HELZ: variants seen among roughly 807,000 people sequenced by gnomAD.
The protein encoded by HELZ is ATP-dependent RNA helicase with zinc finger domain.
A neutral mutation model predicts 218.2 loss-of-function variants in HELZ; 23 were observed. The ratio of observed to expected loss-of-function variants is 0.11; its 90% CI spans 0.08 to 0.15. HELZ has a LOEUF of 0.15. Ranked by LOEUF, HELZ falls within the 10% of genes least tolerant of loss-of-function variation. HELZ has a pLI of 1.00. For synonymous variants in HELZ, 814 were observed against 829.4 expected (o/e 0.98, Z 0.32); for missense variants, 1,813 against 2,353.7 (o/e 0.77, Z 4.75).
chr17:67,189,078 C>T (rs1475549289), intron 11 of HELZ, among the ~76,000 whole-genome samples: 1 of 152,208 alleles, frequency 6.6e-6, no homozygotes, highest in Non-Finnish European at 1.5e-5. Context: ...AACTTTTCCA[C>T]TGAGCATACT....
At chr17:67,174,977 G>A (rs1598371124) in intron 13 of HELZ, among the ~76,000 whole-genome samples, 1 of 152,188 alleles carries the variant, frequency 6.6e-6, no homozygotes, top group South Asian at 2.1e-4. Flanking sequence ...GTCAATACAT[G>A]TCCAAGTCAT....
In HELZ at chr17:67,178,733, G is replaced by A. The variant is rs774192351; in HGVS notation, c.1356C>T (p.Thr452=). Residue 452 remains threonine (T), a synonymous_variant, in exon 13 of 33, where the codon ACC becomes ACT. Transcript: ENST00000358691. Reference sequence around the variant, plus strand: ...GTAACCGTGACTGATAGTTGCTCTTGGTCAATGATTTGTCTAAAACGGACT... The same window carrying A: ...GTAACCGTGACTGATAGTTGCTCTTAGTCAATGATTTGTCTAAAACGGACT... The part of the protein sequence containing the change: ...FTQSVLDKSL[T]KSNYQSRLHD... 5.0e-6 allele frequency: 8 copies of A among 1,613,526 alleles called. No homozygotes were observed. In the South Asian group the frequency reaches 6.6e-5, roughly 13 times the overall value.
intron 24 of HELZ, among the ~76,000 whole-genome samples, chr17:67,125,989 GAC>G (rs372109884): frequency 1.8e-4 from 27 of 152,280 alleles, no homozygotes; most frequent in African/African-American, 6.5e-4. Context: ...ATTCCCAGCT[GAC>G]AGTCACCAAG....
rs537741896 is a variant in HELZ at position 67,176,862 on chromosome 17, T to A, written c.1430+1797A>T. ...GTCTCAAAATAGTAATAATTTTTTT[T>A]AAAAAGATCACACCAACTTAGTTTG... On this transcript the variant is annotated intron_variant, in intron 13 of 32. Transcript: ENST00000358691. Among the ~76,000 whole-genome samples, 26 of 152,218 alleles carry A rather than the reference T, an allele frequency of 1.7e-4. No individual in the cohort carries two copies. In the South Asian group the frequency reaches 2.7e-3, roughly 16 times the overall value.
chr17:67,202,689 T>C (rs1471096603), intron 6 of HELZ, among the ~76,000 whole-genome samples: 4 of 152,218 alleles, frequency 2.6e-5, no homozygotes, highest in Non-Finnish European at 5.9e-5. Flanking sequence ...TATGAGATCA[T>C]ATGTCCACAT....
chr17:67,101,743 C>T (rs1392602798), intron 31 of HELZ, among the ~76,000 whole-genome samples: 1 of 152,118 alleles, frequency 6.6e-6, no homozygotes, highest in African/African-American at 2.4e-5. Context: ...AAGTATGATA[C>T]AGTGCTATTG....
chr17:67,209,134 A>G (rs1405012319), intron 5 of HELZ, among the ~76,000 whole-genome samples: 1 of 151,024 alleles, frequency 6.6e-6, no homozygotes, highest in Non-Finnish European at 1.5e-5. Context: ...AAAAAAAAAA[A>G]ACAACACTGG....
intron 13 of HELZ, among the ~76,000 whole-genome samples, chr17:67,175,546 T>C (rs1241949114): frequency 6.6e-6 from 1 of 152,242 alleles, no homozygotes; most frequent in Admixed American, 6.5e-5. Context: ...TTGAAAATCT[T>C]CACAATCTAT....
chr17:67,233,802 A>C (rs2041100848), intron 3 of HELZ, among the ~76,000 whole-genome samples: 1 of 151,914 alleles, frequency 6.6e-6, no homozygotes, highest in Admixed American at 6.6e-5. Flanking sequence ...CCACCCAACC[A>C]TAAAAACCAC....
At chr17:67,125,673 C>A (rs565747014) in intron 24 of HELZ, among the ~76,000 whole-genome samples, 180 of 152,196 alleles carry the variant, frequency 1.2e-3, no homozygotes, top group Non-Finnish European at 1.9e-3. Flanking sequence ...ATAGCCCCTG[C>A]AAAGAGGCCC....
chr17:67,243,407 G>A (rs909404168), intron 2 of HELZ, among the ~76,000 whole-genome samples: 4 of 152,162 alleles, frequency 2.6e-5, no homozygotes, highest in Middle Eastern at 3.4e-3. Flanking sequence ...CATAATCACC[G>A]GGACTAAACG....
chr17:67,230,592 T>C (rs1243267532), intron 3 of HELZ, among the ~76,000 whole-genome samples: 2 of 26,282 alleles, frequency 7.6e-5, no homozygotes, highest in Non-Finnish European at 1.2e-4. Flanking sequence ...TGAGACTCCA[T>C]CTCAAAAAAA....
intron 14 of HELZ, among the ~76,000 whole-genome samples, 154 bp from the exon 15 acceptor site, chr17:67,166,762 A>G (rs900028532): frequency 6.6e-6 from 1 of 152,206 alleles, no homozygotes; most frequent in Admixed American, 6.5e-5. Context: ...ATGATGAATA[A>G]TATTTGCTTT....
At chr17:67,181,911 TA>T (rs1227193725) in intron 12 of HELZ, among the ~76,000 whole-genome samples, 1 of 152,184 alleles carries the variant, frequency 6.6e-6, no homozygotes, top group Non-Finnish European at 1.5e-5. Flanking sequence ...AGAAACTTAC[TA>T]AACTGATTTA....
At chr17:67,192,904 A>G (rs2039933708) in intron 9 of HELZ, among the ~76,000 whole-genome samples, 1 of 152,256 alleles carries the variant, frequency 6.6e-6, no homozygotes, top group African/African-American at 2.4e-5. Flanking sequence ...TGAATTATTC[A>G]TAAATTCTAC....
chr17:67,172,753 ACACCATCACGCC>A (rs2039349012), intron 13 of HELZ, among the ~76,000 whole-genome samples: 1 of 152,084 alleles, frequency 6.6e-6, no homozygotes, highest in Non-Finnish European at 1.5e-5. Flanking sequence ...CCACAGGTGC[ACACCATCACGCC>A]CAGCTAATTT....
intron 5 of HELZ, among the ~76,000 whole-genome samples, chr17:67,211,324 A>G (rs2040444434): frequency 6.6e-6 from 1 of 152,188 alleles, no homozygotes; most frequent in Non-Finnish European, 1.5e-5. Flanking sequence ...TTAGAGAATT[A>G]TATCAATTCT....
At chr17:67,089,551 A>G (rs1293643970) in intron 31 of HELZ, among the ~76,000 whole-genome samples, 1 of 151,300 alleles carries the variant, frequency 6.6e-6, no homozygotes, top group Non-Finnish European at 1.5e-5. Context: ...TCAATTTCAA[A>G]TTATGTTATG....
chr17:67,198,288 C>T (rs1454690030), intron 7 of HELZ, among the ~76,000 whole-genome samples: 1 of 152,200 alleles, frequency 6.6e-6, no homozygotes, highest in African/African-American at 2.4e-5. Context: ...TTTCAGCAGT[C>T]AGCACCTGTA....
Sources: gnomAD v4.1 joint callset for allele counts (sites outside exome capture counted in the v4.1 genomes callset) on GRCh38, gnomAD v4.1.1 for gene constraint, MANE v1.5 for transcripts, NCBI Gene and HGNC (gene_info 2026-07-23, HGNC 2026-07-21) for gene names.